Variants in HMCES observed in about 807,000 individuals in gnomAD.
The protein encoded by HMCES is abasic site processing protein HMCES.
In HMCES, 27 loss-of-function variants were observed where a neutral mutation model predicts 35.1. The observed-to-expected ratio is 0.77, with a 90% CI of 0.57 to 1.06. The LOEUF is 1.06. HMCES is among the 50% of genes least tolerant of loss of function. The pLI is 0.00. For synonymous variants in HMCES, 130 were observed against 154.7 expected, an observed-to-expected ratio of 0.84 and a Z score of 1.18; for missense variants, 391 against 430.4, an observed-to-expected ratio of 0.91 and a Z score of 0.81.
At position 129,305,111 on chromosome 3, in the gene HMCES, A is replaced by G. The variant is rs2071218862; in HGVS notation, c.*286A>G. On this transcript the variant is annotated 3_prime_UTR_variant, in exon 7 of 7. Transcript: ENST00000383463. The stretch of plus-strand genomic sequence containing the variant: ...GGCTGGTGGAGTCTTCCCTCAAAGC[A>G]TGCCTTACCCAGCTGGGAAGTCTCT... The G allele has an allele frequency of 6.4e-6, 3 of 469,344 alleles. No individual in the cohort carries two copies. Among genetic ancestry groups the G allele is most frequent in the Non-Finnish European group, 1.1e-5 (3 of 262,834 alleles). The allele number at this position is 469,344 out of a possible 1,614,324, so 29.1% of individuals were successfully genotyped here.
intron 2 of HMCES, among the ~76,000 whole-genome samples, chr3:129,284,273 A>G (rs1644192647): frequency 6.6e-6 from 1 of 152,212 alleles, no homozygotes; most frequent in South Asian, 2.1e-4. Context: ...GCATAGCACT[A>G]AAGTGCTGGC....
intron 4 of HMCES, among the ~76,000 whole-genome samples, chr3:129,294,624 C>T (rs1471229968): frequency 6.6e-6 from 1 of 152,124 alleles, no homozygotes; most frequent in Non-Finnish European, 1.5e-5. Flanking sequence ...CAATACATTG[C>T]TATTTTACTG....
intron 2 of HMCES, among the ~76,000 whole-genome samples, chr3:129,283,955 ATC>A: frequency 6.6e-6 from 1 of 152,340 alleles, no homozygotes; most frequent in South Asian, 2.1e-4. Flanking sequence ...GATTTATGAA[ATC>A]TCTGTTTTCA....
chr3:129,297,217 G>C (rs1340929158), intron 4 of HMCES, among the ~76,000 whole-genome samples: 1 of 151,970 alleles, frequency 6.6e-6, no homozygotes, highest in African/African-American at 2.4e-5. Context: ...TCCAGAAGTA[G>C]ACTGCTTCTG....
At chr3:129,289,460 T>C (rs4075182) in intron 3 of HMCES, among the ~76,000 whole-genome samples, 38,431 of 152,208 alleles carry the variant, frequency 0.25, 8,128 homozygotes, top group African/African-American at 0.58. Context: ...ACAGAAGATA[T>C]AAGCCTTTGT....
At chr3:129,292,251 T>C (rs766835413) in intron 4 of HMCES, among the ~76,000 whole-genome samples, 6 of 152,010 alleles carry the variant, frequency 3.9e-5, no homozygotes, top group Non-Finnish European at 8.8e-5. Context: ...CTTGTTAAAA[T>C]TGGGAATTGT....
intron 2 of HMCES, among the ~76,000 whole-genome samples, chr3:129,284,902 A>G (rs1940593948): frequency 6.6e-6 from 1 of 152,178 alleles, no homozygotes; most frequent in Non-Finnish European, 1.5e-5. Context: ...ACAGAGCGAG[A>G]CTCCATCTCA....
intron 6 of HMCES, among the ~76,000 whole-genome samples, chr3:129,303,277 G>T (rs1356879310): frequency 6.6e-6 from 1 of 152,152 alleles, no homozygotes; most frequent in Non-Finnish European, 1.5e-5. Context: ...GACATACTTG[G>T]AATGTTCCAA....
intron 5 of HMCES, among the ~76,000 whole-genome samples, 178 bp from the exon 6 acceptor site, chr3:129,301,772 T>G (rs1201477682): frequency 6.6e-6 from 1 of 152,218 alleles, no homozygotes; most frequent in African/African-American, 2.4e-5. Context: ...AGGTGTTGAA[T>G]CTGGTGCCCT....
At chr3:129,283,710 AT>A (rs1940560004) in intron 2 of HMCES, among the ~76,000 whole-genome samples, 1 of 152,082 alleles carries the variant, frequency 6.6e-6, no homozygotes. Flanking sequence ...CATGCCTGTA[AT>A]CCCAGCTACC....
upstream of HMCES, chr3:129,278,860 G>T (rs569601045): frequency 6.6e-6 from 1 of 151,766 alleles, no homozygotes; most frequent in African/African-American, 2.4e-5. Flanking sequence ...GGAGCGGAGC[G>T]GGGGTGAGGA....
At chr3:129,299,944 G>A (rs2071141778) in intron 5 of HMCES, among the ~76,000 whole-genome samples, 1 of 151,630 alleles carries the variant, frequency 6.6e-6, no homozygotes, top group African/African-American at 2.4e-5. Context: ...ACTTCTTGAA[G>A]TTGTTCCAGC....
chr3:129,296,635 C>T (rs62266902), intron 4 of HMCES, among the ~76,000 whole-genome samples: 18,730 of 152,058 alleles, frequency 0.12, 1,304 homozygotes, highest in Middle Eastern at 0.23. Flanking sequence ...ATATGTAGGA[C>T]AGAGACTGAG....
chr3:129,292,147 T>C (rs553924957), intron 4 of HMCES, among the ~76,000 whole-genome samples: 16 of 152,280 alleles, frequency 1.1e-4, no homozygotes, highest in African/African-American at 3.8e-4. Flanking sequence ...TATCAGGAGA[T>C]TGAAAACAAA....
chr3:129,288,967 T>C lies in HMCES; in HGVS notation c.297T>C (p.Ser99=). ...AGTTCAATACTACCAACTGTCGTAGTGATACCGTAATGGAGAAACGGTCAT... is the reference window on the plus strand; with the variant it reads ...AGTTCAATACTACCAACTGTCGTAGCGATACCGTAATGGAGAAACGGTCAT... ...KLQFNTTNCR[S]DTVMEKRSFK... Residue 99 remains serine (S), a synonymous_variant, in exon 3 of 7, where the codon AGT becomes AGC. Transcript: ENST00000383463. 6.3e-7 allele frequency: 1 copy of C among 1,588,062 alleles called. No homozygotes were observed. The highest frequency in any genetic ancestry group is 2.3e-5 in the East Asian group (1 of 44,410).
chr3:129,282,177 G>A (rs1940510741), intron 2 of HMCES, among the ~76,000 whole-genome samples: 1 of 151,860 alleles, frequency 6.6e-6, no homozygotes, highest in South Asian at 2.1e-4. Flanking sequence ...TATGAGCCTG[G>A]CCAGGCCTGG....
chr3:129,298,335 C>T lies in HMCES; in HGVS notation c.454-19C>T. On this transcript the variant is annotated intron_variant, in intron 4 of 6. Transcript: ENST00000383463. ...AGTCTGCTGAGTGCATCTAATCTGC[C>T]CATATATTTTGCTTCCAGTCAGGTA... 1 of 1,613,066 alleles carries T rather than the reference C, an allele frequency of 6.2e-7. No individual in the cohort carries two copies. Among genetic ancestry groups the T allele is most frequent in the Non-Finnish European group, 8.5e-7 (1 of 1,179,108 alleles).
At position 129,279,790 on chromosome 3, in the gene HMCES, T is replaced by C. The variant is rs972187266; in HGVS notation, c.58T>C (p.Tyr20His). The change falls in exon 2 of 7, where the codon TAC becomes CAC. Residue 20 changes from tyrosine (Y) to histidine (H), a missense_variant. Coordinates refer to ENST00000383463, the MANE Select transcript of HMCES (RefSeq NM_020187.3). This position sits in a 1 kb window ranked among gnomAD's most constrained non-coding sequence, Gnocchi z 4.2. The stretch of plus-strand genomic sequence containing the variant: ...AGATGTTCTCACGAGAGCTTGCGCC[T>C]ACCAGGATCGGCGGGGCCAGCAGCG... ...PRDVLTRACA[Y>H]QDRRGQQRLP... is the part of the protein sequence containing the mutation. The C allele has an allele frequency of 6.2e-7, 1 of 1,613,654 alleles. No individual in the cohort carries two copies. Among genetic ancestry groups the C allele is most frequent in the African/African-American group, 1.3e-5 (1 of 74,888 alleles).
intron 3 of HMCES, 151 bp from the exon 4 acceptor site, chr3:129,290,528 C>T (rs2071000387): frequency 3.2e-6 from 2 of 617,386 alleles, no homozygotes; most frequent in Non-Finnish European, 5.5e-6. Context: ...AAGTGATCCT[C>T]CCATCTCGGC....
Sources: allele counts gnomAD v4.1 joint callset (sites outside exome capture counted in the v4.1 genomes callset), GRCh38; gene constraint gnomAD v4.1.1; non-coding constraint Gnocchi (gnomAD v3.1); transcripts MANE v1.5; gene names NCBI Gene and HGNC (gene_info 2026-07-23, HGNC 2026-07-21).